The following UNC13C variants were observed in gnomAD, a reference collection of about 807,000 sequenced individuals.
UNC13C encodes protein unc-13 homolog C.
Under a neutral mutation model 245.4 loss-of-function variants are expected in UNC13C, and 174 were observed. The observed-to-expected ratio is 0.71, with a 90% CI of 0.63 to 0.80. The LOEUF is 0.80. Ranked by LOEUF, UNC13C falls within the 30% of genes least tolerant of loss-of-function variation. The probability of loss-of-function intolerance (pLI) is 0.00; values close to 1 mark genes in which losing one functional copy is unlikely to be tolerated. For missense variants in UNC13C, 2,829 were observed against 2,602.9 expected (o/e 1.09, Z -1.89); for synonymous variants, 992 against 895.1 (o/e 1.11, Z -1.93).
chr15:53,895,295 C>T, the UNC13C span, among the ~76,000 whole-genome samples: 945 of 128,860 alleles, frequency 7.3e-3, 19 homozygotes, highest in African/African-American at 0.026. Context: ...ACCCAGGAGT[C>T]GGAGGTTGCC....
At position 54,090,772 on chromosome 15, in the gene UNC13C, G is replaced by C. The variant is rs150348021; in HGVS notation, c.2984-52246G>C. 2.0e-4 allele frequency among the ~76,000 whole-genome samples: 30 copies of C among 152,290 alleles called. No homozygotes were observed. The East Asian group carries it at 5.2e-3, about 27-fold the overall frequency. On this transcript the variant is annotated intron_variant, in intron 2 of 32. Coordinates refer to ENST00000260323, the MANE Select transcript of UNC13C (RefSeq NM_001080534.3). Reference sequence around the variant, plus strand: ...CTCTTTCTGGAGAGACTCTCAGCCTGAAAGCTCCCACGCCCCCATTGATGG... The same window carrying C: ...CTCTTTCTGGAGAGACTCTCAGCCTCAAAGCTCCCACGCCCCCATTGATGG...
chr15:54,348,545 A>C (rs1286308779), intron 17 of UNC13C, among the ~76,000 whole-genome samples: 1 of 152,176 alleles, frequency 6.6e-6, no homozygotes, highest in African/African-American at 2.4e-5. Flanking sequence ...TGTATACCAC[A>C]ATTTTGGCCA....
chr15:54,418,954 C>A (rs1256185610), intron 19 of UNC13C, among the ~76,000 whole-genome samples: 2 of 152,086 alleles, frequency 1.3e-5, no homozygotes, highest in Non-Finnish European at 2.9e-5. Flanking sequence ...CCCTTCCAAC[C>A]CGCACACTCC....
intron 3 of UNC13C, 74 bp from the exon 4 acceptor site, chr15:54,143,546 C>G: frequency 8.0e-7 from 1 of 1,256,166 alleles, no homozygotes; most frequent in Non-Finnish European, 1.1e-6. Context: ...GACCTGTGTC[C>G]CGATTTCGTG....
At chr15:53,975,772 G>A (rs1218293658), upstream of UNC13C, among the ~76,000 whole-genome samples, 1 of 152,200 alleles carries the variant, frequency 6.6e-6, no homozygotes, top group Non-Finnish European at 1.5e-5. Flanking sequence ...GGGTATGAGA[G>A]GTGAATGGTA....
chr15:54,480,264 A>T (rs1251980968), intron 19 of UNC13C, among the ~76,000 whole-genome samples: 2 of 151,476 alleles, frequency 1.3e-5, no homozygotes, highest in Non-Finnish European at 2.9e-5. Flanking sequence ...TTTATTATTT[A>T]TTTATTATTT....
At chr15:54,359,804 G>T (rs2039187969) in intron 17 of UNC13C, among the ~76,000 whole-genome samples, 1 of 151,490 alleles carries the variant, frequency 6.6e-6, no homozygotes, top group African/African-American at 2.4e-5. Context: ...CCAAGTCTTG[G>T]TTTTGTTTTT....
intron 27 of UNC13C, 34 bp from the exon 28 acceptor site, chr15:54,549,601 A>C: frequency 6.6e-7 from 1 of 1,515,956 alleles, no homozygotes. Context: ...ATATCTTAAG[A>C]CTGAGTCTTC....
intron 2 of UNC13C, among the ~76,000 whole-genome samples, chr15:54,114,726 A>G (rs1398160280): frequency 6.6e-6 from 1 of 152,154 alleles, no homozygotes; most frequent in Non-Finnish European, 1.5e-5. Context: ...TTTGGGGCAA[A>G]GAGATTAGCA....
intron 2 of UNC13C, among the ~76,000 whole-genome samples, chr15:54,084,665 T>C (rs1899137885): frequency 6.6e-6 from 1 of 152,172 alleles, no homozygotes; most frequent in African/African-American, 2.4e-5. Context: ...AAATATTCAA[T>C]AAGAAAGTAT....
Position 54,014,057 on chromosome 15 carries a change from A to C in UNC13C, c.1154A>C (p.Gln385Pro). Residue 385 changes from glutamine (Q) to proline (P), a missense_variant, in exon 2 of 33, where the codon CAA (glutamine) becomes CCA (proline). Physicochemically the swap from Gln to Pro is moderately conservative, Grantham distance 76 (BLOSUM62 -1). Transcript: ENST00000260323. ...ATACTTGTGTACTTTGAAACCCCTC[A>C]ACAAAGGGATTCTGTCTTAAAAAAG... is the stretch of plus-strand genomic sequence containing the variant. Reference protein sequence around the residue: ...RPILVYFETPQQRDSVLKKSY... With the variant: ...RPILVYFETPPQRDSVLKKSY... 2 of 1,613,836 alleles carry C rather than the reference A, an allele frequency of 1.2e-6. No homozygotes were observed. The highest frequency in any genetic ancestry group is 1.7e-6 in the Non-Finnish European group (2 of 1,179,844).
intron 17 of UNC13C, among the ~76,000 whole-genome samples, chr15:54,350,351 A>G (rs1244432459): frequency 1.3e-5 from 2 of 152,218 alleles, no homozygotes; most frequent in African/African-American, 4.8e-5. Flanking sequence ...AGACTGAAAA[A>G]AATAGGCAAA....
intron 7 of UNC13C, among the ~76,000 whole-genome samples, chr15:54,239,017 T>C (rs1267205563): frequency 6.6e-6 from 1 of 152,186 alleles, no homozygotes; most frequent in African/African-American, 2.4e-5. Flanking sequence ...TTCCGGTAAA[T>C]GTGTCTTGCA....
In UNC13C at chr15:54,409,680, C is replaced by G. The variant is rs80322000; in HGVS notation, c.4848-5302C>G. Among the ~76,000 whole-genome samples, 383 of 152,304 alleles carry G rather than the reference C, an allele frequency of 2.5e-3. 3 individuals are homozygous for G. The highest frequency in any genetic ancestry group is 8.5e-3 in the African/African-American group (355 of 41,566). On this transcript the variant is annotated intron_variant, in intron 18 of 32. Transcript: ENST00000260323. ...TCACTTACACTGATGACCTCCAACT[C>G]CATCCACGTTGCTGCAAAGGACATG... is the stretch of plus-strand genomic sequence containing the variant.
intron 9 of UNC13C, among the ~76,000 whole-genome samples, chr15:54,264,802 A>T (rs1026150940): frequency 4.6e-5 from 7 of 151,836 alleles, no homozygotes; most frequent in African/African-American, 1.7e-4. Flanking sequence ...TCGAGTCAGG[A>T]CAATTTGAGT....
At chr15:54,419,205 G>A (rs761314470) in intron 19 of UNC13C, among the ~76,000 whole-genome samples, 1 of 152,132 alleles carries the variant, frequency 6.6e-6, no homozygotes, top group South Asian at 2.1e-4. Context: ...GTTTACCTGA[G>A]TAATATACCA....
the UNC13C span, among the ~76,000 whole-genome samples, chr15:53,858,742 A>G: frequency 3.3e-5 from 5 of 152,142 alleles, no homozygotes; most frequent in Non-Finnish European, 7.4e-5. Context: ...AGGCTCAGAA[A>G]CAAAAACATG....
chr15:53,982,769 A>G (rs1378661406), intron 1 of UNC13C, among the ~76,000 whole-genome samples: 1 of 152,112 alleles, frequency 6.6e-6, no homozygotes, highest in Non-Finnish European at 1.5e-5. Flanking sequence ...TTTTCTTTGT[A>G]AGCCTTGGTT....
At chr15:54,307,851 T>G (rs1226301459) in intron 13 of UNC13C, among the ~76,000 whole-genome samples, 1 of 151,896 alleles carries the variant, frequency 6.6e-6, no homozygotes, top group African/African-American at 2.4e-5. Context: ...GAAGTGACAT[T>G]TAAGTGTTTG....
Sources: allele counts gnomAD v4.1 joint callset (sites outside exome capture counted in the v4.1 genomes callset), GRCh38; gene constraint gnomAD v4.1.1; transcripts MANE v1.5; gene names NCBI Gene and HGNC (gene_info 2026-07-23, HGNC 2026-07-21).